Variants in SUCLG2 observed in about 807,000 individuals in gnomAD.
SUCLG2 encodes the protein succinate--CoA ligase [GDP-forming] subunit beta, mitochondrial.
A neutral mutation model predicts 47.9 loss-of-function variants in SUCLG2; 42 were observed. The ratio of observed to expected loss-of-function variants is 0.88; its 90% CI spans 0.69 to 1.14. The LOEUF is 1.14. Among genes scored for constraint, SUCLG2 ranks in the 50% most tolerant of loss-of-function variants. SUCLG2 has a pLI of 0.00. For missense variants in SUCLG2, 571 were observed against 525.9 expected (o/e 1.09, Z -0.84); for synonymous variants, 195 against 197.3 (o/e 0.99, Z 0.10).
At chr3:67,644,654 A>G (rs1459477075) in intron 1 of SUCLG2, among the ~76,000 whole-genome samples, 2 of 152,000 alleles carry the variant, frequency 1.3e-5, no homozygotes, top group Non-Finnish European at 2.9e-5. Context: ...AAAATGGTCA[A>G]TTTTATGTCA....
intron 10 of SUCLG2, among the ~76,000 whole-genome samples, chr3:67,399,065 A>G (rs1003657899): frequency 6.6e-6 from 1 of 150,930 alleles, no homozygotes; most frequent in Non-Finnish European, 1.5e-5. Context: ...AGATATACCT[A>G]ATGCTAAATG....
Position 67,527,566 on chromosome 3 carries a change from C to T in SUCLG2, c.417+566G>A, listed in dbSNP as rs146097430. Among the ~76,000 whole-genome samples the T allele has an allele frequency of 4.3e-3, 647 of 152,222 alleles. 5 individuals are homozygous for T. The highest frequency in any genetic ancestry group is 0.014 in the African/African-American group (583 of 41,526). On this transcript the variant is annotated intron_variant, in intron 4 of 10. Coordinates refer to ENST00000307227, the MANE Select transcript of SUCLG2 (RefSeq NM_003848.4). ...TCACAATTTCATGACTGAGGCAGGC[C>T]ACTTTCCTCTGGGCTTTATTTTCTA...
At chr3:67,593,202 G>A (rs559435484) in intron 2 of SUCLG2, among the ~76,000 whole-genome samples, 3 of 151,962 alleles carry the variant, frequency 2.0e-5, no homozygotes, top group East Asian at 1.9e-4. Context: ...TTATATTCTC[G>A]CAATAATAAC....
intron 9 of SUCLG2, among the ~76,000 whole-genome samples, chr3:67,414,483 A>G (rs1444539046): frequency 6.6e-6 from 1 of 152,214 alleles, no homozygotes; most frequent in Non-Finnish European, 1.5e-5. Context: ...AGGTAAGTAA[A>G]TGAGTAGAGA....
intron 10 of SUCLG2, among the ~76,000 whole-genome samples, chr3:67,363,796 A>G (rs1267469580): frequency 7.7e-6 from 1 of 129,544 alleles, no homozygotes; most frequent in African/African-American, 2.8e-5. Flanking sequence ...CCTCCCCCCA[A>G]CCTCACCCCC....
chr3:67,391,863 C>T lies in SUCLG2; in HGVS notation c.1183+8868G>A, dbSNP rs544834053. Among the ~76,000 whole-genome samples the T allele has an allele frequency of 8.6e-4, 131 of 152,226 alleles. 1 individual carries two copies. The highest frequency in any genetic ancestry group is 1.6e-3 in the Admixed American group (24 of 15,288). ...GCTCGTTTCCAACGTGTGTTCTGTACGGAGTTAATTTTCCATCTTCTATTC... is the reference window on the plus strand; with the variant it reads ...GCTCGTTTCCAACGTGTGTTCTGTATGGAGTTAATTTTCCATCTTCTATTC... On this transcript the variant is annotated intron_variant, in intron 10 of 10. Coordinates refer to ENST00000307227, the MANE Select transcript of SUCLG2 (RefSeq NM_003848.4).
At chr3:67,637,533 C>A (rs566563535) in intron 1 of SUCLG2, among the ~76,000 whole-genome samples, 9 of 152,302 alleles carry the variant, frequency 5.9e-5, no homozygotes, top group Admixed American at 3.3e-4. Flanking sequence ...CATAATTCAA[C>A]AAAATACTTG....
At chr3:67,552,172 C>CAAAAAAAA (rs55687048) in intron 2 of SUCLG2, among the ~76,000 whole-genome samples, 21 of 75,328 alleles carry the variant, frequency 2.8e-4, no homozygotes, top group Non-Finnish European at 3.2e-4. Context: ...AACTCCATCT[C>CAAAAAAAA]AAAAAAAAAA....
At chr3:67,425,196 G>T (rs534222547) in intron 9 of SUCLG2, among the ~76,000 whole-genome samples, 1 of 152,118 alleles carries the variant, frequency 6.6e-6, no homozygotes, top group South Asian at 2.1e-4. Context: ...ATTTTTACTT[G>T]GTATTGCCTT....
intron 1 of SUCLG2, among the ~76,000 whole-genome samples, chr3:67,620,738 C>A: frequency 6.6e-6 from 1 of 152,088 alleles, no homozygotes. Flanking sequence ...TGTGAAGGAA[C>A]TGAGGCAAAG....
At chr3:67,509,433 CA>C (rs55941531) in intron 6 of SUCLG2, among the ~76,000 whole-genome samples, 114,852 of 152,104 alleles carry the variant, frequency 0.76, 43,630 homozygotes, top group Admixed American at 0.84. Context: ...CTGAACAGCA[CA>C]AGTTCAAACT....
intron 10 of SUCLG2, among the ~76,000 whole-genome samples, chr3:67,394,731 A>G (rs1340237981): frequency 1.3e-5 from 2 of 151,360 alleles, no homozygotes; most frequent in Non-Finnish European, 1.5e-5. Context: ...CAGATTCACC[A>G]AAGTTGAAAT....
At chr3:67,593,669 A>C (rs564153835) in intron 2 of SUCLG2, among the ~76,000 whole-genome samples, 1 of 152,334 alleles carries the variant, frequency 6.6e-6, no homozygotes, top group East Asian at 1.9e-4. Context: ...GACAGTCCAC[A>C]GGGTGACCGA....
intron 2 of SUCLG2, among the ~76,000 whole-genome samples, chr3:67,598,202 G>A (rs1011217564): frequency 4.0e-5 from 6 of 151,810 alleles, no homozygotes; most frequent in Non-Finnish European, 5.9e-5. Context: ...GGCTGTTCTC[G>A]AACTCCTGAA....
At chr3:67,449,194 T>C (rs1703996456) in intron 9 of SUCLG2, among the ~76,000 whole-genome samples, 3 of 152,238 alleles carry the variant, frequency 2.0e-5, no homozygotes, top group South Asian at 2.1e-4. Context: ...CTCTATTTTA[T>C]TTCAAGAATA....
intron 9 of SUCLG2, among the ~76,000 whole-genome samples, chr3:67,491,374 T>TTA (rs1705202114): frequency 1.4e-5 from 2 of 146,718 alleles, no homozygotes; most frequent in East Asian, 2.0e-4. Flanking sequence ...TTTTTTTTTT[T>TTA]TTTTTTCCAG....
intron 2 of SUCLG2, among the ~76,000 whole-genome samples, chr3:67,566,346 AT>A (rs1354613456): frequency 2.0e-5 from 3 of 152,188 alleles, no homozygotes; most frequent in Admixed American, 6.5e-5. Flanking sequence ...TTAGAATTAC[AT>A]TTGGGGGGGA....
intron 9 of SUCLG2, among the ~76,000 whole-genome samples, chr3:67,421,837 A>G (rs548958360): frequency 6.6e-6 from 1 of 152,334 alleles, no homozygotes; most frequent in South Asian, 2.1e-4. Flanking sequence ...CTGTCAAGAG[A>G]ACTGAATTGC....
chr3:67,436,211 T>C (rs1703617058), intron 9 of SUCLG2, among the ~76,000 whole-genome samples: 1 of 152,200 alleles, frequency 6.6e-6, no homozygotes, highest in Non-Finnish European at 1.5e-5. Flanking sequence ...TAATAATGAA[T>C]GAGCAGGAAA....
Sources: gnomAD v4.1 joint callset for allele counts (sites outside exome capture counted in the v4.1 genomes callset) on GRCh38, gnomAD v4.1.1 for gene constraint, MANE v1.5 for transcripts, NCBI Gene and HGNC (gene_info 2026-07-23, HGNC 2026-07-21) for gene names.